STAB2: variants seen among roughly 807,000 people sequenced by gnomAD.
The protein encoded by STAB2 is stabilin-2.
STAB2 carries 288 observed loss-of-function variants against 338.1 expected under a neutral mutation model. The observed-to-expected ratio is 0.85, with a 90% CI of 0.77 to 0.94. STAB2 has a LOEUF of 0.94. Among genes scored for constraint, STAB2 ranks in the 40% least tolerant of loss-of-function variants. STAB2 has a pLI of 0.00. For missense variants in STAB2, 3,141 were observed against 3,210.1 expected, an observed-to-expected ratio of 0.98 and a Z score of 0.52; for synonymous variants, 1,202 against 1,193.3, an observed-to-expected ratio of 1.01 and a Z score of -0.15.
In STAB2 at chr12:103,703,244, A is replaced by G. The variant is rs1158772137; in HGVS notation, c.3811A>G (p.Arg1271Gly). Residue 1271 changes from arginine (R) to glycine (G), a missense_variant, in exon 35 of 69, where the codon AGA becomes GGA. Physicochemically the swap from Arg to Gly is moderately radical, Grantham distance 125. Coordinates refer to ENST00000388887, the MANE Select transcript of STAB2 (RefSeq NM_017564.10). The part of the protein sequence containing the change: ...LGKVLEIQKN[R>G]CDNNDTTIIR... ...AAAAGTTCTGGAAATTCAGAAGAAC[A>G]GATGTGATAATAATGACACTACTAT... The G allele has an allele frequency of 6.2e-7, 1 of 1,613,858 alleles. No homozygotes were observed. The highest frequency in any genetic ancestry group is 8.5e-7 in the Non-Finnish European group (1 of 1,180,040).
intron 43 of STAB2, 76 bp from the exon 44 acceptor site, chr12:103,717,694 G>T (rs1880430144): frequency 7.9e-7 from 1 of 1,272,160 alleles, no homozygotes; most frequent in Non-Finnish European, 1.1e-6. Flanking sequence ...ATGGAGTTCA[G>T]GTCTGAGAGC....
chr12:103,677,566 C>G lies in STAB2; in HGVS notation c.2760C>G (p.Gly920=). ...ACAACTGCCTGCTGCCCAGTGCAGG[C>G]GGCTGCCACGACAACGCATCCTGTT... ...EINNCLLPSA[G]GCHDNASCLY... is the part of the protein sequence containing the mutation. The change falls in exon 25 of 69, where the codon GGC becomes GGG. Residue 920 remains glycine, a synonymous_variant. Coordinates refer to ENST00000388887, the MANE Select transcript of STAB2 (RefSeq NM_017564.10). 1 of 1,614,052 alleles carries G rather than the reference C, an allele frequency of 6.2e-7. No individual in the cohort carries two copies. Among genetic ancestry groups the G allele is most frequent in the South Asian group, 1.1e-5 (1 of 91,082 alleles).
chr12:103,762,956 T>C (rs904139026), intron 67 of STAB2, among the ~76,000 whole-genome samples: 1 of 152,222 alleles, frequency 6.6e-6, no homozygotes, highest in African/African-American at 2.4e-5. Context: ...TCTTTCCTTA[T>C]GGACTTTGTC....
intron 51 of STAB2, among the ~76,000 whole-genome samples, chr12:103,735,084 A>G (rs917090984): frequency 6.6e-5 from 10 of 152,204 alleles, no homozygotes; most frequent in African/African-American, 2.4e-4. Context: ...AAATAAGATC[A>G]TATTCTGAGG....
At position 103,654,610 on chromosome 12, in the gene STAB2, A is replaced by C. The variant is rs1306960329; in HGVS notation, c.1463A>C (p.Gln488Pro). 3 of 1,614,206 alleles carry C rather than the reference A, an allele frequency of 1.9e-6. No individual in the cohort carries two copies. The highest frequency in any genetic ancestry group is 1.7e-5 in the Admixed American group (1 of 60,022). Residue 488 changes from glutamine to proline, a missense_variant, in exon 13 of 69, where the codon CAA becomes CCA. Physicochemically the swap from Gln to Pro is moderately conservative, Grantham distance 76 (BLOSUM62 -1). Transcript: ENST00000388887. ...HGGKKKVKII[Q>P]GDIIASNGLL... The stretch of plus-strand genomic sequence containing the variant: ...GGCAAAAAGAAGGTAAAAATTATAC[A>C]AGGGGACATCATTGCTTCCAATGGG...
At chr12:103,701,905 T>C (rs1390563398) in intron 34 of STAB2, among the ~76,000 whole-genome samples, 1 of 151,964 alleles carries the variant, frequency 6.6e-6, no homozygotes, top group African/African-American at 2.4e-5. Flanking sequence ...TGGGATAATA[T>C]ATGAATTTAA....
At chr12:103,669,719 TC>T in intron 21 of STAB2, 92 bp downstream of exon 21, 1 of 1,156,282 alleles carries the variant, frequency 8.6e-7, no homozygotes, top group Non-Finnish European at 1.3e-6. Context: ...CAGCTACTCT[TC>T]CCAGGAAGCA....
rs1411662445 is a variant in STAB2, at chr12:103,712,237, C to T, written c.4335-130C>T. On this transcript the variant is annotated intron_variant, in intron 40 of 68. Transcript: ENST00000388887. ...GCCAGAATTAGACTCTTCTCCCAAG[C>T]CTTAGGCAGGACTTATGAGTGTCTC... 7 of 760,980 alleles carry T rather than the reference C, an allele frequency of 9.2e-6. No individual in the cohort carries two copies. The Admixed American group carries it at 1.2e-4, about 13-fold the overall frequency. 47.1% of individuals were successfully genotyped at this position (760,980 alleles called of 1,614,324 possible). A position where few individuals can be genotyped will look rare whatever the true frequency, so the allele number is the denominator to read the frequency against.
At position 103,764,145 on chromosome 12, in the gene STAB2, G is replaced by T. The variant is rs562252351; in HGVS notation, c.7605+537G>T. Reference sequence around the variant, plus strand: ...ACTTTGTATTGTTAATACAGACAGGGTTTCTCCATGTTGGTCAGGCTGGTC... The same window carrying T: ...ACTTTGTATTGTTAATACAGACAGGTTTTCTCCATGTTGGTCAGGCTGGTC... On this transcript the variant is annotated intron_variant, in intron 68 of 68. Transcript: ENST00000388887. Among the ~76,000 whole-genome samples the T allele has an allele frequency of 2.6e-5, 4 of 152,132 alleles. No individual in the cohort carries two copies. The South Asian group carries it at 8.3e-4, about 32-fold the overall frequency.
At chr12:103,759,420 A>G in intron 65 of STAB2, 147 bp downstream of exon 65, 1 of 1,216,108 alleles carries the variant, frequency 8.2e-7, no homozygotes, top group Non-Finnish European at 1.1e-6. Flanking sequence ...TGCCCACTAC[A>G]GCATACCACA....
intron 25 of STAB2, among the ~76,000 whole-genome samples, chr12:103,679,453 C>T (rs993296438): frequency 6.6e-6 from 1 of 152,168 alleles, no homozygotes; most frequent in Non-Finnish European, 1.5e-5. Flanking sequence ...ATGGCATGCT[C>T]TCACCCTAGC....
At chr12:103,683,408 C>T in intron 26 of STAB2, 108 bp downstream of exon 26, 1 of 929,872 alleles carries the variant, frequency 1.1e-6, no homozygotes, top group South Asian at 2.0e-5. Context: ...AATCTCTTAC[C>T]CCCAAAAGGG....
intron 3 of STAB2, among the ~76,000 whole-genome samples, chr12:103,611,069 C>G (rs1419770350): frequency 6.6e-6 from 1 of 152,172 alleles, no homozygotes; most frequent in East Asian, 1.9e-4. Context: ...GTTATAATTT[C>G]TGTTCTTTTA....
At chr12:103,765,335 T>C (rs1157840880) in intron 68 of STAB2, among the ~76,000 whole-genome samples, 6 of 152,160 alleles carry the variant, frequency 3.9e-5, no homozygotes, top group African/African-American at 1.4e-4. Flanking sequence ...CTAAACCTAC[T>C]ATTCAGACTA....
At chr12:103,690,070 G>C in intron 29 of STAB2, 88 bp downstream of exon 29, 3 of 1,518,816 alleles carry the variant, frequency 2.0e-6, no homozygotes, top group Non-Finnish European at 1.8e-6. Flanking sequence ...AAACCACATG[G>C]TCCTTCAAAT....
At position 103,688,206 on chromosome 12, in the gene STAB2, A is replaced by G. The variant is rs1209677994; in HGVS notation, c.3036A>G (p.Arg1012=). ...SFLSEAAIFN[R]WINNASLQPT... is the part of the protein sequence containing the mutation. The stretch of plus-strand genomic sequence containing the variant: ...TCTCCGAAGCAGCTATATTTAACCG[A>G]TGGATAAATGTGAGTACCTTTATTG... The change falls in exon 28 of 69, where the codon CGA becomes CGG. Residue 1012 remains arginine, a synonymous_variant. Transcript: ENST00000388887. The G allele has an allele frequency of 6.2e-7, 1 of 1,613,606 alleles. No individual in the cohort carries two copies. The highest frequency in any genetic ancestry group is 1.1e-5 in the South Asian group (1 of 91,068).
chr12:103,737,924 T>A, intron 53 of STAB2, 144 bp downstream of exon 53: 1 of 1,066,178 alleles, frequency 9.4e-7, no homozygotes, highest in Non-Finnish European at 1.3e-6. Context: ...CCAAATGATG[T>A]AGTTCTTTAG....
Position 103,703,332 on chromosome 12 carries a change from A to T in STAB2, c.3843+56A>T, listed in dbSNP as rs577083963. 148 of 1,584,026 alleles carry T rather than the reference A, an allele frequency of 9.3e-5. 1 individual carries two copies. In the African/African-American group the frequency reaches 1.8e-3, roughly 19 times the overall value. ...AACTAATGAATATTGGCTTTTTTTT[A>T]TATAATTTTGGGGGCATAAGGCTTT... On this transcript the variant is annotated intron_variant, in intron 35 of 68. Transcript: ENST00000388887.
At chr12:103,739,277 T>C in intron 53 of STAB2, 135 bp from the exon 54 acceptor site, 1 of 758,976 alleles carries the variant, frequency 1.3e-6, no homozygotes, top group Non-Finnish European at 1.9e-6. Flanking sequence ...ATGCCTGGCC[T>C]GTTTTCATAT....
Sources: allele counts gnomAD v4.1 joint callset (sites outside exome capture counted in the v4.1 genomes callset), GRCh38; gene constraint gnomAD v4.1.1; transcripts MANE v1.5; gene names NCBI Gene and HGNC (gene_info 2026-07-23, HGNC 2026-07-21).